MLXIPL: variants seen among roughly 807,000 people sequenced by gnomAD.
The protein encoded by MLXIPL is carbohydrate-responsive element-binding protein.
In MLXIPL, 49 loss-of-function variants were observed where a neutral mutation model predicts 81.5. That is an observed-to-expected ratio of 0.60 (90% CI 0.48 to 0.76). MLXIPL has a LOEUF of 0.76. MLXIPL is among the 30% of genes least tolerant of loss of function. The pLI is 0.00. For missense variants in MLXIPL, 1,053 were observed against 1,167.0 expected, an observed-to-expected ratio of 0.90 and a Z score of 1.42; for synonymous variants, 466 against 485.5, an observed-to-expected ratio of 0.96 and a Z score of 0.53.
chr7:73,598,745 C>G (rs544127990), intron 8 of MLXIPL, among the ~76,000 whole-genome samples: 3 of 152,176 alleles, frequency 2.0e-5, no homozygotes, highest in South Asian at 4.1e-4. Flanking sequence ...CACCCCTCAG[C>G]AACCGATTAG....
intron 7 of MLXIPL, among the ~76,000 whole-genome samples, chr7:73,603,505 G>A (rs945912854): frequency 3.6e-4 from 55 of 152,150 alleles, no homozygotes; most frequent in African/African-American, 1.3e-3. Flanking sequence ...ACCCCCTCCC[G>A]GGACTGGAAC....
At position 73,594,388 on chromosome 7, in the gene MLXIPL, G is replaced by A. The variant is rs782130943; in HGVS notation, c.2326C>T (p.Arg776Trp). 6.9e-6 allele frequency: 11 copies of A among 1,603,802 alleles called. No individual in the cohort carries two copies. The highest frequency in any genetic ancestry group is 2.2e-5 in the East Asian group (1 of 44,876). ...CCGTTGAAGGACTCAAACAGAGGCC[G>A]GATGAGGATGCTGAACTGGGCCCAG... The part of the protein sequence containing the change: ...WKFWVFSILI[R>W]PLFESFNGMV... The change falls in exon 16 of 17, where the codon CGG becomes TGG. Residue 776 changes from arginine to tryptophan, a missense_variant. Coordinates refer to ENST00000313375, the MANE Select transcript of MLXIPL (RefSeq NM_032951.3).
chr7:73,614,572 A>C (rs1278749171), intron 2 of MLXIPL, among the ~76,000 whole-genome samples: 1 of 152,062 alleles, frequency 6.6e-6, no homozygotes, highest in African/African-American at 2.4e-5. Context: ...GCAGCCTTTG[A>C]TCCTGCAGCA....
chr7:73,616,558 C>T (rs1352844776), intron 1 of MLXIPL, among the ~76,000 whole-genome samples: 1 of 152,082 alleles, frequency 6.6e-6, no homozygotes, highest in African/African-American at 2.4e-5. Flanking sequence ...TAAGAAATGA[C>T]CTTCCTGGGC....
Position 73,596,050 on chromosome 7 carries a change from G to A in MLXIPL, c.2059-81C>T. ...CACTGAGGCACTGGGATGGGAGGAG[G>A]CAAGAGTGTCTGGAGCACTCCCCTG... On this transcript the variant is annotated intron_variant, in intron 13 of 16. Transcript: ENST00000313375. The surrounding 1 kb of genome is among the most constrained non-coding windows in gnomAD (Gnocchi z 4.7). The A allele has an allele frequency of 1.2e-6, 2 of 1,600,772 alleles. No homozygotes were observed. The highest frequency in any genetic ancestry group is 1.7e-6 in the Non-Finnish European group (2 of 1,176,476).
chr7:73,609,169 C>A (rs140823785), intron 2 of MLXIPL: 1 of 149,804 alleles, frequency 6.7e-6, no homozygotes, highest in African/African-American at 2.5e-5. Flanking sequence ...CACTATGTTG[C>A]TTTGAGGACT....
Position 73,624,397 on chromosome 7 carries a change from C to A in MLXIPL, c.96G>T (p.Pro32=). Residue 32 remains proline (P), a synonymous_variant, in exon 1 of 17, where the codon CCG becomes CCT. Coordinates refer to ENST00000313375, the MANE Select transcript of MLXIPL (RefSeq NM_032951.3). ...DSDSDTDSED[P]SLRRSAGGLL... ...AGCCGCCCGCGCTGCGCCGGAGACT[C>A]GGGTCCTCCGAGTCTGTGTCCGAGT... 6.4e-7 allele frequency: 1 copy of A among 1,565,752 alleles called. No homozygotes were observed. The highest frequency in any genetic ancestry group is 1.2e-5 in the South Asian group (1 of 86,570).
At position 73,607,045 on chromosome 7, in the gene MLXIPL, C is replaced by T. The variant is rs781848589; in HGVS notation, c.574-27G>A. ...TGCAGGGACACACAGAGTTGGACACCGGATCCCTTGCCCCATCCTCCATCA... is the reference window on the plus strand; with the variant it reads ...TGCAGGGACACACAGAGTTGGACACTGGATCCCTTGCCCCATCCTCCATCA... On this transcript the variant is annotated intron_variant, in intron 4 of 16. Coordinates refer to ENST00000313375, the MANE Select transcript of MLXIPL (RefSeq NM_032951.3). The T allele has an allele frequency of 3.7e-6, 6 of 1,611,256 alleles. No individual in the cohort carries two copies. In the South Asian group the frequency reaches 4.4e-5, roughly 12 times the overall value.
At position 73,608,448 on chromosome 7, in the gene MLXIPL, A is replaced by G. The variant is rs538747785; in HGVS notation, c.401-776T>C. On this transcript the variant is annotated intron_variant, in intron 2 of 16. Transcript: ENST00000313375. ...CTAAAAATACAAAAATTAGCCGAGC[A>G]TGGCGGCACATGCCTATAGTCCCAG... 2.9e-4 allele frequency among the ~76,000 whole-genome samples: 44 copies of G among 152,236 alleles called. No homozygotes were observed. In the South Asian group the frequency reaches 8.7e-3, roughly 30 times the overall value.
chr7:73,597,721 G>C lies in MLXIPL; in HGVS notation c.1072-8C>G, dbSNP rs73702541. 7 of 1,336,932 alleles carry C rather than the reference G, an allele frequency of 5.2e-6. No individual in the cohort carries two copies. In the African/African-American group the frequency reaches 6.0e-5, roughly 11 times the overall value. The allele number at this position is 1,336,932 out of a possible 1,614,324, so 82.8% of individuals were successfully genotyped here. A position where few individuals can be genotyped will look rare whatever the true frequency, so the allele number is the denominator to read the frequency against. On this transcript the variant is annotated splice_polypyrimidine_tract_variant and splice_region_variant and intron_variant, in intron 8 of 16. Transcript: ENST00000313375. ...AGGGCAGCTGTTCCGAGCCTGGTTG[G>C]GGGGACAGACAGACACTCAGAGAGC... is the stretch of plus-strand genomic sequence containing the variant.
At chr7:73,606,619 T>G in intron 5 of MLXIPL, 3 of 321,614 alleles carry the variant, frequency 9.3e-6, no homozygotes, top group East Asian at 7.7e-5. Flanking sequence ...AGAGACGGGG[T>G]TTCACCATGT....
At chr7:73,643,282 A>C in the MLXIPL span, among the ~76,000 whole-genome samples, 1 of 152,150 alleles carries the variant, frequency 6.6e-6, no homozygotes, top group Non-Finnish European at 1.5e-5. Context: ...TGGGAGGCCG[A>C]GGCGGGCGGA....
chr7:73,637,636 G>A, the MLXIPL span, among the ~76,000 whole-genome samples: 20 of 151,118 alleles, frequency 1.3e-4, 1 homozygote, highest in Admixed American at 4.6e-4. Flanking sequence ...CCATTGCCCC[G>A]TTGTATAGGA....
chr7:73,623,429 G>A lies in MLXIPL; in HGVS notation c.293+771C>T, dbSNP rs537316693. On this transcript the variant is annotated intron_variant, in intron 1 of 16. Coordinates refer to ENST00000313375, the MANE Select transcript of MLXIPL (RefSeq NM_032951.3). This position sits in a 1 kb window ranked among gnomAD's most constrained non-coding sequence, Gnocchi z 5.7. ...GCCCTCCTCTGGGACGCGGGGCGTGGAGCGGCAGCGGGGCGCGGCCTGTGC... is the reference window on the plus strand; with the variant it reads ...GCCCTCCTCTGGGACGCGGGGCGTGAAGCGGCAGCGGGGCGCGGCCTGTGC... Among the ~76,000 whole-genome samples the A allele has an allele frequency of 8.5e-5, 13 of 152,140 alleles. No individual in the cohort carries two copies. The highest frequency in any genetic ancestry group is 2.0e-4 in the Admixed American group (3 of 15,272).
rs114171482 is a variant in MLXIPL, at chr7:73,622,580, C to A, written c.293+1620G>T. On this transcript the variant is annotated intron_variant, in intron 1 of 16. Coordinates refer to ENST00000313375, the MANE Select transcript of MLXIPL (RefSeq NM_032951.3). Reference sequence around the variant, plus strand: ...CTCCAACTCCTGGGCTCAAGCAATCCTTGGATGAGAACCTTGGCCTCCTAA... The same window carrying A: ...CTCCAACTCCTGGGCTCAAGCAATCATTGGATGAGAACCTTGGCCTCCTAA... Among the ~76,000 whole-genome samples the A allele has an allele frequency of 8.5e-3, 1,288 of 151,986 alleles. 12 individuals carry two copies. Among genetic ancestry groups the A allele is most frequent in the African/African-American group, 0.027 (1,140 of 41,466 alleles).
At chr7:73,616,550 A>G (rs1796017027) in intron 1 of MLXIPL, among the ~76,000 whole-genome samples, 1 of 152,176 alleles carries the variant, frequency 6.6e-6, no homozygotes, top group Non-Finnish European at 1.5e-5. Context: ...TAAGAGAATA[A>G]GAAATGACCT....
At chr7:73,601,386 A>G (rs948480151) in intron 7 of MLXIPL, among the ~76,000 whole-genome samples, 3 of 151,652 alleles carry the variant, frequency 2.0e-5, no homozygotes, top group African/African-American at 7.3e-5. Flanking sequence ...GTGAACAGGA[A>G]CCCCAGGAAG....
Position 73,605,959 on chromosome 7 carries a change from G to A in MLXIPL, c.771C>T (p.Phe257=), listed in dbSNP as rs1554597904. 2 of 1,597,066 alleles carry A rather than the reference G, an allele frequency of 1.3e-6. No individual in the cohort carries two copies. The highest frequency in any genetic ancestry group is 1.3e-5 in the African/African-American group (1 of 74,876). Residue 257 remains phenylalanine, a synonymous_variant, in exon 6 of 17, where the codon TTC becomes TTT. Transcript: ENST00000313375. The part of the protein sequence containing the change: ...CFLSDISDTL[F]TMTQSGPSPL... ...GCGAAGGGCCGGACTGAGTCATGGTGAAGAGAGTGTCTGAGATGTCGGACA... is the reference window on the plus strand; with the variant it reads ...GCGAAGGGCCGGACTGAGTCATGGTAAAGAGAGTGTCTGAGATGTCGGACA...
At chr7:73,601,310 G>C (rs557223095) in intron 7 of MLXIPL, among the ~76,000 whole-genome samples, 1 of 151,860 alleles carries the variant, frequency 6.6e-6, no homozygotes, top group Admixed American at 6.6e-5. Flanking sequence ...CCATCCTCCT[G>C]CCTCAGCCTC....
Sources: allele counts gnomAD v4.1 joint callset (sites outside exome capture counted in the v4.1 genomes callset), GRCh38; gene constraint gnomAD v4.1.1; non-coding constraint Gnocchi (gnomAD v3.1); transcripts MANE v1.5; gene names NCBI Gene and HGNC (gene_info 2026-07-23, HGNC 2026-07-21).